Variants in OSTM1 observed in about 807,000 individuals in gnomAD.
The protein encoded by OSTM1 is osteopetrosis-associated transmembrane protein 1.
OSTM1 carries 26 observed loss-of-function variants against 35.4 expected under a neutral mutation model. That is an observed-to-expected ratio of 0.73 (90% CI 0.54 to 1.02). The LOEUF is 1.02. Ranked by LOEUF, OSTM1 falls within the 50% of genes least tolerant of loss-of-function variation. The pLI is 0.00. For missense variants in OSTM1, 366 were observed against 409.6 expected (o/e 0.89, Z 0.92); for synonymous variants, 181 against 165.0 (o/e 1.10, Z -0.75).
chr6:108,067,101 C>G (rs1047058642), intron 1 of OSTM1, among the ~76,000 whole-genome samples: 6 of 152,146 alleles, frequency 3.9e-5, no homozygotes, highest in Non-Finnish European at 7.3e-5. Context: ...AAACCGTACT[C>G]CTCACTTTTC....
intron 1 of OSTM1, among the ~76,000 whole-genome samples, chr6:108,064,553 G>C (rs190295717): frequency 1.3e-4 from 20 of 152,264 alleles, no homozygotes; most frequent in African/African-American, 4.8e-4. Flanking sequence ...GGAAAAATAT[G>C]CTTTTGTAGA....
chr6:108,058,368 G>A (rs948414618), intron 2 of OSTM1, among the ~76,000 whole-genome samples: 22 of 151,774 alleles, frequency 1.4e-4, no homozygotes, highest in African/African-American at 4.4e-4. Context: ...AATAAACTAC[G>A]GCAACTTTGT....
intron 2 of OSTM1, among the ~76,000 whole-genome samples, chr6:108,057,105 G>A (rs960890510): frequency 5.3e-5 from 8 of 152,100 alleles, no homozygotes; most frequent in African/African-American, 1.9e-4. Flanking sequence ...GCGTGCATCT[G>A]TGGTCCCAGC....
chr6:108,054,622 C>T (rs1284918090), intron 2 of OSTM1, 35 bp from the exon 3 acceptor site: 1 of 960,764 alleles, frequency 1.0e-6, no homozygotes, highest in South Asian at 1.3e-5. Flanking sequence ...ATTAATATAA[C>T]TCAAGGAACA....
At position 108,074,453 on chromosome 6, in the gene OSTM1, C is replaced by G; in HGVS notation, c.199G>C (p.Gly67Arg). Reference sequence around the variant, plus strand: ...GGGGGCAGCGACAGAGGCCCCAGCCCTCCACCCTGCAGGAGGGACAGGGAC... The same window carrying G: ...GGGGGCAGCGACAGAGGCCCCAGCCGTCCACCCTGCAGGAGGGACAGGGAC... The part of the protein sequence containing the change: ...DLSLSLLQGG[G>R]LGPLSLPPDL... Residue 67 changes from glycine to arginine, a missense_variant, in exon 1 of 6, where the codon GGG becomes CGG. This residue lies in a region of OSTM1 where 236 missense variants were observed against 239.3 expected (regional missense o/e 0.99). Transcript: ENST00000193322. The G allele has an allele frequency of 6.4e-7, 1 of 1,557,448 alleles. No individual in the cohort carries two copies. The highest frequency in any genetic ancestry group is 8.7e-7 in the Non-Finnish European group (1 of 1,151,038).
intron 1 of OSTM1, among the ~76,000 whole-genome samples, chr6:108,067,294 A>G (rs1582397908): frequency 6.6e-6 from 1 of 151,992 alleles, no homozygotes; most frequent in Non-Finnish European, 1.5e-5. Context: ...CTACCCTCCC[A>G]TTAAGGTGGG....
At chr6:108,072,981 G>T (rs926981110) in intron 1 of OSTM1, among the ~76,000 whole-genome samples, 2 of 152,136 alleles carry the variant, frequency 1.3e-5, no homozygotes, top group African/African-American at 4.8e-5. Context: ...GATAATTTTT[G>T]TATTTTTAGT....
At chr6:108,068,523 A>G (rs1772421132) in intron 1 of OSTM1, among the ~76,000 whole-genome samples, 1 of 152,148 alleles carries the variant, frequency 6.6e-6, no homozygotes, top group Admixed American at 6.5e-5. Flanking sequence ...CCTGGAAATC[A>G]TCACTACCTT....
Position 108,046,272 on chromosome 6 carries a change from G to A in OSTM1, c.950-1432C>T, listed in dbSNP as rs188908646. 6.2e-3 allele frequency among the ~76,000 whole-genome samples: 920 copies of A among 147,304 alleles called. 4 individuals are homozygous for A. Among genetic ancestry groups the A allele is most frequent in the Non-Finnish European group, 7.7e-3 (518 of 67,384 alleles). ...CCTGACCTCATGATCCGTCTGCCCC[G>A]GCCTCCCAAAGTGCTGGGATTACAG... On this transcript the variant is annotated intron_variant, in intron 5 of 5. Transcript: ENST00000193322.
At chr6:108,053,129 T>C (rs556389804) in intron 3 of OSTM1, among the ~76,000 whole-genome samples, 2 of 152,398 alleles carry the variant, frequency 1.3e-5, no homozygotes, top group South Asian at 2.1e-4. Context: ...TAATTTTCTC[T>C]AGTGTCTTTT....
At chr6:108,065,823 A>G (rs1393067734) in intron 1 of OSTM1, among the ~76,000 whole-genome samples, 1 of 152,190 alleles carries the variant, frequency 6.6e-6, no homozygotes, top group Admixed American at 6.5e-5. Flanking sequence ...TTGAATCTTC[A>G]TAAGTGGGTG....
chr6:108,051,103 T>C lies in OSTM1; in HGVS notation c.711A>G (p.Glu237=). ...TCTCAAGTTCATTCATTTTTTGCAT[T>C]TCACTGTACAGACTACTCAGAGTTT... ...AYKTLSSLYS[E]MQKMNELENK... Residue 237 remains glutamate (E), a synonymous_variant, in exon 4 of 6, where the codon GAA becomes GAG. Transcript: ENST00000193322. 1 of 1,613,686 alleles carries C rather than the reference T, an allele frequency of 6.2e-7. No individual in the cohort carries two copies.
intron 5 of OSTM1, 117 bp downstream of exon 5, chr6:108,049,136 G>C: frequency 2.9e-6 from 2 of 694,822 alleles, no homozygotes; most frequent in Non-Finnish European, 5.0e-6. Context: ...TTAAAGCAGA[G>C]AGTCCTTTTA....
intron 2 of OSTM1, among the ~76,000 whole-genome samples, chr6:108,057,964 T>C (rs1434983217): frequency 1.3e-5 from 2 of 151,926 alleles, no homozygotes; most frequent in African/African-American, 4.8e-5. Context: ...TCATCTTAGA[T>C]AATCAATGGA....
chr6:108,068,703 TCCCCTACCCTCCCCAG>T (rs1410827463), intron 1 of OSTM1, among the ~76,000 whole-genome samples: 2 of 152,048 alleles, frequency 1.3e-5, no homozygotes, highest in Non-Finnish European at 2.9e-5. Context: ...CATATCTTCT[TCCCCTACCCTCCCCAG>T]CCCCTACCCT....
Position 108,042,423 on chromosome 6 carries a change from T to C in OSTM1, c.*2362A>G, listed in dbSNP as rs201149316. 0.22 allele frequency: 32,451 copies of C among 144,322 alleles called. 3,577 individuals are homozygous for C. Among genetic ancestry groups the C allele is most frequent in the East Asian group, 0.26 (1,296 of 5,078 alleles). 8.9% of individuals were successfully genotyped at this position (144,322 alleles called of 1,614,324 possible). A position where few individuals can be genotyped will look rare whatever the true frequency, so the allele number is the denominator to read the frequency against. On this transcript the variant is annotated 3_prime_UTR_variant, in exon 6 of 6. Coordinates refer to ENST00000193322, the MANE Select transcript of OSTM1 (RefSeq NM_014028.4). ...CAGTACTTTCTTTTTTCTTTTTTTT[T>C]TTTTTTTTTTGAGACAAGGTCTGGC...
At chr6:108,049,703 C>T in intron 4 of OSTM1, 1 of 386,348 alleles carries the variant, frequency 2.6e-6, no homozygotes, top group Non-Finnish European at 4.4e-6. Context: ...AAACAAAGAA[C>T]TTATATGAAG....
chr6:108,060,766 C>T (rs1772259137), intron 2 of OSTM1: 1 of 152,054 alleles, frequency 6.6e-6, no homozygotes, highest in African/African-American at 2.4e-5. Flanking sequence ...AAATGCCCTG[C>T]CTCTTCTAAG....
At chr6:108,054,062 A>T (rs1213962396) in intron 3 of OSTM1, among the ~76,000 whole-genome samples, 1 of 152,234 alleles carries the variant, frequency 6.6e-6, no homozygotes, top group East Asian at 1.9e-4. Context: ...TTATCTTACT[A>T]AACAGTGCTT....
Sources: gnomAD v4.1 joint callset for allele counts (sites outside exome capture counted in the v4.1 genomes callset) on GRCh38, gnomAD v4.1.1 for gene constraint, gnomAD v4.1.1 regional missense constraint, MANE v1.5 for transcripts, NCBI Gene and HGNC (gene_info 2026-07-23, HGNC 2026-07-21) for gene names.